Variants in DHX33 observed in about 807,000 individuals in gnomAD.
DHX33 encodes DEAH-box helicase 33.
In DHX33, 42 loss-of-function variants were observed where a neutral mutation model predicts 72.5. The observed-to-expected ratio is 0.58, with a 90% CI of 0.45 to 0.75. DHX33 has a LOEUF of 0.75. Ranked by LOEUF, DHX33 falls within the 30% of genes least tolerant of loss-of-function variation. The pLI is 0.00. For missense variants in DHX33, 842 were observed against 917.5 expected, an observed-to-expected ratio of 0.92 and a Z score of 1.06; for synonymous variants, 358 against 366.1, an observed-to-expected ratio of 0.98 and a Z score of 0.25.
At position 5,463,707 on chromosome 17, in the gene DHX33, A is replaced by G; in HGVS notation, c.290-18T>C. On this transcript the variant is annotated intron_variant, in intron 1 of 11. Transcript: ENST00000225296. ...AGTTTCCCCTAGGAGAGAGGGGGAAAAAAAAAAAAGGCTCACTGAAATGCA... is the reference window on the plus strand; with the variant it reads ...AGTTTCCCCTAGGAGAGAGGGGGAAGAAAAAAAAAGGCTCACTGAAATGCA... The G allele has an allele frequency of 2.6e-6, 4 of 1,537,490 alleles. No individual in the cohort carries two copies. Among genetic ancestry groups the G allele is most frequent in the Non-Finnish European group, 3.5e-6 (4 of 1,137,112 alleles).
rs751331237 is a variant in DHX33 at position 5,450,398 on chromosome 17, G to A, written c.1533C>T (p.Leu511=). Residue 511 remains leucine, a synonymous_variant, in exon 10 of 12, where the codon CTC becomes CTT. Coordinates refer to ENST00000225296, the MANE Select transcript of DHX33 (RefSeq NM_020162.4). ...PLEPKFAKTI[L]MSPKFHCTEE... is the part of the protein sequence containing the mutation. ...CTGTACAGTGGAATTTGGGGGACAT[G>A]AGGATGGTCTGCAAAGCAAAATTTA... is the stretch of plus-strand genomic sequence containing the variant. 9 of 1,613,932 alleles carry A rather than the reference G, an allele frequency of 5.6e-6. No individual in the cohort carries two copies. The East Asian group carries it at 6.7e-5, about 12-fold the overall frequency.
At chr17:5,465,668 A>G (rs930751526) in intron 1 of DHX33, among the ~76,000 whole-genome samples, 3 of 152,186 alleles carry the variant, frequency 2.0e-5, no homozygotes, top group African/African-American at 7.2e-5. Context: ...TGTTCCACCT[A>G]TAATCTGGCT....
At chr17:5,460,584 G>C (rs942703055) in intron 4 of DHX33, among the ~76,000 whole-genome samples, 7 of 149,226 alleles carry the variant, frequency 4.7e-5, no homozygotes, top group African/African-American at 1.5e-4. Flanking sequence ...TCGCCTCATT[G>C]CAACTTCCAC....
chr17:5,461,116 A>G lies in DHX33; in HGVS notation c.679-7T>C. ...TAGCTGACATCACAATCACCTGCAT[A>G]AGAGAACGAAGAGGAGGACCAGAAA... On this transcript the variant is annotated splice_region_variant and splice_polypyrimidine_tract_variant and intron_variant, in intron 3 of 11. Transcript: ENST00000225296. The G allele has an allele frequency of 6.3e-7, 1 of 1,597,570 alleles. No homozygotes were observed. Among genetic ancestry groups the G allele is most frequent in the Non-Finnish European group, 8.6e-7 (1 of 1,168,342 alleles).
intron 2 of DHX33, among the ~76,000 whole-genome samples, chr17:5,463,312 C>T (rs1325660684): frequency 6.6e-6 from 1 of 152,168 alleles, no homozygotes; most frequent in Admixed American, 6.5e-5. Flanking sequence ...AGGAAAGCAA[C>T]TAATTTATCC....
At chr17:5,449,759 C>G (rs960444325) in intron 10 of DHX33, among the ~76,000 whole-genome samples, 1 of 151,966 alleles carries the variant, frequency 6.6e-6, no homozygotes, top group Non-Finnish European at 1.5e-5. Flanking sequence ...TTCAACTGCA[C>G]GAAGCTTCGT....
chr17:5,460,972 G>A lies in DHX33; in HGVS notation c.816C>T (p.His272=), dbSNP rs138169143. The A allele has an allele frequency of 4.4e-5, 71 of 1,613,820 alleles. 1 individual carries two copies. In the Admixed American group the frequency reaches 6.0e-4, roughly 14 times the overall value. ...YTKQPQNDYL[H]AALVSVFQIH... Reference sequence around the variant, plus strand: ...TCTGGAAGACGGAGACAAGCGCGGCGTGCAGGTAATCATTCTGAGGCTGTT... The same window carrying A: ...TCTGGAAGACGGAGACAAGCGCGGCATGCAGGTAATCATTCTGAGGCTGTT... The change falls in exon 4 of 12, where the codon CAC becomes CAT. Residue 272 remains histidine (H), a synonymous_variant. Coordinates refer to ENST00000225296, the MANE Select transcript of DHX33 (RefSeq NM_020162.4).
In DHX33 at chr17:5,448,791, A is replaced by C; in HGVS notation, c.1815+18T>G. On this transcript the variant is annotated intron_variant, in intron 11 of 11. Coordinates refer to ENST00000225296, the MANE Select transcript of DHX33 (RefSeq NM_020162.4). ...GTGACAGCTTTGTCACCCACAGAAC[A>C]CTAGGACCAGACGATACCTTTAAGC... 6.3e-7 allele frequency: 1 copy of C among 1,580,480 alleles called. No homozygotes were observed. Among genetic ancestry groups the C allele is most frequent in the Non-Finnish European group, 8.6e-7 (1 of 1,162,044 alleles).
At chr17:5,457,270 T>C (rs1597360964) in intron 4 of DHX33, among the ~76,000 whole-genome samples, 1 of 151,996 alleles carries the variant, frequency 6.6e-6, no homozygotes, top group East Asian at 1.9e-4. Flanking sequence ...ATTGCATCAC[T>C]GCACTCCAAC....
intron 1 of DHX33, among the ~76,000 whole-genome samples, chr17:5,466,695 C>T (rs1206183248): frequency 4.6e-5 from 7 of 152,130 alleles, no homozygotes; most frequent in Non-Finnish European, 1.0e-4. Context: ...AGCTGTAGAA[C>T]TTGCCTGCTT....
intron 3 of DHX33, 116 bp downstream of exon 3, chr17:5,462,203 G>T: frequency 1.1e-6 from 1 of 946,524 alleles, no homozygotes; most frequent in Non-Finnish European, 1.6e-6. Context: ...GCCTCCCAAA[G>T]TGCTGGGATT....
At position 5,468,894 on chromosome 17, in the gene DHX33, C is replaced by G; in HGVS notation, c.-35G>C. ...GCACCGCGGCGGGAGGCGCAAGCGC[C>G]GAGAGCTCCTGCCCCCTCTCAGGTG... On this transcript the variant is annotated 5_prime_UTR_variant, in exon 1 of 12. Coordinates refer to ENST00000225296, the MANE Select transcript of DHX33 (RefSeq NM_020162.4). 1 of 1,548,008 alleles carries G rather than the reference C, an allele frequency of 6.5e-7. No homozygotes were observed.
Position 5,453,834 on chromosome 17 carries a change from G to A in DHX33, c.1294C>T (p.Pro432Ser), listed in dbSNP as rs768625440. ...EFEKFDKMTVPEIQRCNLASV... is the reference protein window; with the variant it reads ...EFEKFDKMTVSEIQRCNLASV... ...ACTGGTGCCTACCTCTGGATCTCTGGCACGGTCATCTTATCAAACTTCTCA... is the reference window on the plus strand; with the variant it reads ...ACTGGTGCCTACCTCTGGATCTCTGACACGGTCATCTTATCAAACTTCTCA... Residue 432 changes from proline to serine, a missense_variant, in exon 7 of 12, where the codon CCA (proline) becomes TCA (serine). Pro to Ser is a moderately conservative substitution (Grantham distance 74, BLOSUM62 -1). Coordinates refer to ENST00000225296, the MANE Select transcript of DHX33 (RefSeq NM_020162.4). 221 of 1,613,976 alleles carry A rather than the reference G, an allele frequency of 1.4e-4. 1 individual carries two copies. In the Admixed American group the frequency reaches 3.7e-3, roughly 27 times the overall value.
Position 5,463,596 on chromosome 17 carries a change from C to G in DHX33, c.383G>C (p.Arg128Pro). ...AGCAAGAGAGATGGCAGCTACTCGACGAGGCTGGGTCACAGCAATGATGCC... is the reference window on the plus strand; with the variant it reads ...AGCAAGAGAGATGGCAGCTACTCGAGGAGGCTGGGTCACAGCAATGATGCC... ...RQGIIAVTQPRRVAAISLATR... is the reference protein window; with the variant it reads ...RQGIIAVTQPPRVAAISLATR... The change falls in exon 2 of 12, where the codon CGT becomes CCT. Residue 128 changes from arginine to proline, a missense_variant. Coordinates refer to ENST00000225296, the MANE Select transcript of DHX33 (RefSeq NM_020162.4). 6.2e-7 allele frequency: 1 copy of G among 1,613,988 alleles called. No individual in the cohort carries two copies. The highest frequency in any genetic ancestry group is 8.5e-7 in the Non-Finnish European group (1 of 1,180,002).
chr17:5,450,253 T>C lies in DHX33; in HGVS notation c.1678A>G (p.Met560Val), dbSNP rs151326559. The C allele has an allele frequency of 5.2e-4, 845 of 1,614,090 alleles. No individual in the cohort carries two copies. The highest frequency in any genetic ancestry group is 6.8e-4 in the Non-Finnish European group (799 of 1,180,056). The part of the protein sequence containing the change: ...KKFISSEGDH[M>V]TLLNIYRTFK... ...GTCCGATAGATATTGAGCAGGGTCATGTGATCCCCCTCGCTGGATATGAAC... is the reference window on the plus strand; with the variant it reads ...GTCCGATAGATATTGAGCAGGGTCACGTGATCCCCCTCGCTGGATATGAAC... The change falls in exon 10 of 12, where the codon ATG becomes GTG. Residue 560 changes from methionine to valine, a missense_variant. Coordinates refer to ENST00000225296, the MANE Select transcript of DHX33 (RefSeq NM_020162.4).
Position 5,462,356 on chromosome 17 carries a change from T to C in DHX33, c.641A>G (p.Gln214Arg). ...DVLFGVVKAA[Q>R]KRRKELGKLP... The stretch of plus-strand genomic sequence containing the variant: ...TTTCCCGAGTTCCTTTCTCCTCTTC[T>C]GTGCAGCTTTCACCACTCCAAAGAG... Residue 214 changes from glutamine (Q) to arginine (R), a missense_variant, in exon 3 of 12, where the codon CAG (glutamine) becomes CGG (arginine). Transcript: ENST00000225296. The C allele has an allele frequency of 1.2e-6, 2 of 1,614,232 alleles. No homozygotes were observed. The highest frequency in any genetic ancestry group is 1.7e-6 in the Non-Finnish European group (2 of 1,180,024).
In DHX33 at chr17:5,453,911, G is replaced by A. The variant is rs1917070469; in HGVS notation, c.1217C>T (p.Ala406Val). ...GCAGATGCCACTGTCCTCTCTGCCA[G>A]CCCTCCCTGTGCGCTGCCAAGCCTG... is the stretch of plus-strand genomic sequence containing the variant. ...KTQAWQRTGRAGREDSGICYR... is the reference protein window; with the variant it reads ...KTQAWQRTGRVGREDSGICYR... Residue 406 changes from alanine to valine, a missense_variant, in exon 7 of 12, where the codon GCT (alanine) becomes GTT (valine). Physicochemically the swap from Ala to Val is moderately conservative, Grantham distance 64 (BLOSUM62 0). Transcript: ENST00000225296. 1 of 1,613,952 alleles carries A rather than the reference G, an allele frequency of 6.2e-7. No individual in the cohort carries two copies. The highest frequency in any genetic ancestry group is 8.5e-7 in the Non-Finnish European group (1 of 1,180,032).
rs1306470014 is a variant in DHX33 at position 5,441,563 on chromosome 17, G to A, written c.*2642C>T. The A allele has an allele frequency of 6.6e-6, 1 of 152,176 alleles. No individual in the cohort carries two copies. The highest frequency in any genetic ancestry group is 1.5e-5 in the Non-Finnish European group (1 of 68,044). 9.4% of individuals were successfully genotyped at this position (152,176 alleles called of 1,614,324 possible). A position where few individuals can be genotyped will look rare whatever the true frequency, so the allele number is the denominator to read the frequency against. Reference sequence around the variant, plus strand: ...ATTGTGAAACATTTAACTTTCTTAAGTTTAAAGTGTACTATCTCCTGCAGC... The same window carrying A: ...ATTGTGAAACATTTAACTTTCTTAAATTTAAAGTGTACTATCTCCTGCAGC... On this transcript the variant is annotated 3_prime_UTR_variant, in exon 12 of 12. Transcript: ENST00000225296.
rs1377071560 is a variant in DHX33, at chr17:5,468,625, C to T, written c.235G>A (p.Ala79Thr). Residue 79 changes from alanine (A) to threonine (T), a missense_variant, in exon 1 of 12, where the codon GCG becomes ACG. By Grantham distance (58) the Ala-to-Thr change is moderately conservative. Transcript: ENST00000225296. ...LQRRSLPIFQ[A>T]RGQLLAQLRN... ...AGCTGGGCCAACAGTTGCCCCCGCG[C>T]TTGGAAGATGGGCAGACTCCGGCGC... 1 of 1,611,408 alleles carries T rather than the reference C, an allele frequency of 6.2e-7. No individual in the cohort carries two copies. The highest frequency in any genetic ancestry group is 1.1e-5 in the South Asian group (1 of 90,670).
Sources: gnomAD v4.1 joint callset for allele counts (sites outside exome capture counted in the v4.1 genomes callset) on GRCh38, gnomAD v4.1.1 for gene constraint, MANE v1.5 for transcripts, NCBI Gene and HGNC (gene_info 2026-07-23, HGNC 2026-07-21) for gene names.